The following ZNF248 variants were observed in gnomAD, a reference collection of about 807,000 sequenced individuals.
ZNF248 encodes KRAB protein domain.
Under a neutral mutation model 44.3 loss-of-function variants are expected in ZNF248, and 20 were observed. The ratio of observed to expected loss-of-function variants is 0.45; its 90% CI spans 0.32 to 0.66. ZNF248 has a LOEUF of 0.66. Ranked by LOEUF, ZNF248 falls within the 30% of genes least tolerant of loss-of-function variation. ZNF248 has a pLI of 0.04. For synonymous variants in ZNF248, 224 were observed against 229.0 expected (o/e 0.98, Z 0.20); for missense variants, 654 against 677.0 (o/e 0.97, Z 0.38).
At chr10:37,776,829 T>A (rs984158007) in intron 6 of ZNF248, among the ~76,000 whole-genome samples, 3 of 152,120 alleles carry the variant, frequency 2.0e-5, no homozygotes, top group African/African-American at 7.2e-5. Flanking sequence ...TGGTTTTAGG[T>A]AGGGTGGTCT....
At chr10:37,796,954 T>A (rs910556310) in intron 6 of ZNF248, among the ~76,000 whole-genome samples, 11 of 152,060 alleles carry the variant, frequency 7.2e-5, no homozygotes, top group African/African-American at 2.4e-4. Flanking sequence ...ATATAGTTTT[T>A]TTTTTCTAGA....
At chr10:37,791,524 T>G (rs1380601203) in intron 6 of ZNF248, 1 of 152,048 alleles carries the variant, frequency 6.6e-6, no homozygotes, top group Admixed American at 6.6e-5. Context: ...ATTGAAGAGG[T>G]GGAGATTAGC....
chr10:37,758,899 T>G, the ZNF248 span, among the ~76,000 whole-genome samples: 1 of 152,244 alleles, frequency 6.6e-6, no homozygotes, highest in Non-Finnish European at 1.5e-5. Context: ...GCGTTGTCCT[T>G]ACTTATCCCA....
intron 6 of ZNF248, chr10:37,821,020 T>C: frequency 7.8e-7 from 1 of 1,279,854 alleles, no homozygotes; most frequent in Non-Finnish European, 1.1e-6. Flanking sequence ...CTAAAGGTGC[T>C]CTGGGATCCC....
In ZNF248 at chr10:37,833,067, T is replaced by A. The variant is rs747378993; in HGVS notation, c.288A>T (p.Glu96Asp). Residue 96 changes from glutamate (E) to aspartate (D), a missense_variant, in exon 6 of 6, where the codon GAA becomes GAT. Transcript: ENST00000395867. The stretch of plus-strand genomic sequence containing the variant: ...ATAGAAGCTCCCAAAAATGGTCATC[T>A]TCATTTTCCTGGCTGCTCTCTAACA... ...DDVLESSQEN[E>D]DDHFWELLFH... The A allele has an allele frequency of 6.2e-7, 1 of 1,610,224 alleles. No individual in the cohort carries two copies. Among genetic ancestry groups the A allele is most frequent in the East Asian group, 2.2e-5 (1 of 44,820 alleles).
At chr10:37,849,544 G>T (rs1181412270) in intron 3 of ZNF248, among the ~76,000 whole-genome samples, 4 of 151,988 alleles carry the variant, frequency 2.6e-5, no homozygotes, top group African/African-American at 9.6e-5. Context: ...AAAATTAGAC[G>T]GGTGTGGTGG....
At chr10:37,822,084 GC>G (rs1277013638) in intron 6 of ZNF248, among the ~76,000 whole-genome samples, 3 of 152,160 alleles carry the variant, frequency 2.0e-5, no homozygotes, top group Non-Finnish European at 2.9e-5. Context: ...TCATCACATT[GC>G]TGAATTTAGT....
chr10:37,776,789 C>T (rs1564447703), intron 6 of ZNF248, among the ~76,000 whole-genome samples: 1 of 152,086 alleles, frequency 6.6e-6, no homozygotes, highest in African/African-American at 2.4e-5. Flanking sequence ...CGCCCCCCAC[C>T]CACTTCAGTA....
chr10:37,766,217 C>G, the ZNF248 span, among the ~76,000 whole-genome samples: 1 of 152,246 alleles, frequency 6.6e-6, no homozygotes, highest in African/African-American at 2.4e-5. Context: ...GCAGTAACCT[C>G]TGCAGACTTA....
At chr10:37,797,848 C>T (rs1317490568) in intron 6 of ZNF248, among the ~76,000 whole-genome samples, 5 of 152,088 alleles carry the variant, frequency 3.3e-5, no homozygotes, top group African/African-American at 1.2e-4. Flanking sequence ...CCCTCATGCA[C>T]ATTGTTGATT....
At chr10:37,785,827 T>C (rs1299755383) in intron 6 of ZNF248, among the ~76,000 whole-genome samples, 3 of 152,172 alleles carry the variant, frequency 2.0e-5, no homozygotes, top group African/African-American at 2.4e-5. Flanking sequence ...TTCTTGAAGA[T>C]TGGTAAATAG....
the ZNF248 span, among the ~76,000 whole-genome samples, chr10:37,771,014 T>C: frequency 4.6e-5 from 7 of 152,178 alleles, no homozygotes; most frequent in Non-Finnish European, 1.0e-4. Flanking sequence ...AAAAAACACA[T>C]GAAAAAATGC....
downstream of ZNF248, among the ~76,000 whole-genome samples, chr10:37,774,920 G>A (rs1021966842): frequency 4.6e-5 from 7 of 151,772 alleles, no homozygotes; most frequent in South Asian, 2.1e-4. Context: ...AGCTGGCCAC[G>A]CCACCACACC....
chr10:37,819,000 A>G (rs2053024357), intron 6 of ZNF248: 1 of 924,706 alleles, frequency 1.1e-6, no homozygotes, highest in African/African-American at 1.6e-5. Flanking sequence ...AAATTGCAAT[A>G]AGTGCCAGCA....
intron 6 of ZNF248, among the ~76,000 whole-genome samples, chr10:37,788,452 C>A (rs1254145632): frequency 6.6e-6 from 1 of 151,944 alleles, no homozygotes; most frequent in African/African-American, 2.4e-5. Flanking sequence ...GAAACCCCAT[C>A]TCTACCAAGA....
intron 6 of ZNF248, among the ~76,000 whole-genome samples, chr10:37,782,678 T>A (rs940097494): frequency 6.6e-6 from 1 of 152,042 alleles, no homozygotes; most frequent in Non-Finnish European, 1.5e-5. Context: ...TAGAGATACA[T>A]TGGGAGGACA....
Position 37,809,893 on chromosome 10 carries a change from A to C in ZNF248, c.330+23132T>G, listed in dbSNP as rs574058024. Among the ~76,000 whole-genome samples, 32 of 152,326 alleles carry C rather than the reference A, an allele frequency of 2.1e-4. No homozygotes were observed. The East Asian group carries it at 5.0e-3, about 24-fold the overall frequency. On this transcript the variant is annotated intron_variant, in intron 6 of 6. Transcript: ENST00000615949. ...TAACTTCATACTGTTGTGGTCGTAGAATATACTTTGTATAATATCTATCTT... is the reference window on the plus strand; with the variant it reads ...TAACTTCATACTGTTGTGGTCGTAGCATATACTTTGTATAATATCTATCTT...
chr10:37,817,681 G>C (rs200909), intron 6 of ZNF248, among the ~76,000 whole-genome samples: 34,265 of 151,996 alleles, frequency 0.23, 4,023 homozygotes, highest in East Asian at 0.4. Context: ...ATATAAAAAA[G>C]GGGAGAGGGA....
chr10:37,811,774 A>C (rs2051557347), intron 6 of ZNF248, among the ~76,000 whole-genome samples: 1 of 151,980 alleles, frequency 6.6e-6, no homozygotes. Context: ...TGAGCCAGGG[A>C]GGTCAAGGCT....
Sources: allele counts gnomAD v4.1 joint callset (sites outside exome capture counted in the v4.1 genomes callset), GRCh38; gene constraint gnomAD v4.1.1; transcripts MANE v1.5; gene names NCBI Gene and HGNC (gene_info 2026-07-23, HGNC 2026-07-21).